The following BRWD3 variants were observed in gnomAD, a reference collection of about 807,000 sequenced individuals.
BRWD3 encodes the protein bromodomain and WD repeat domain containing 3.
BRWD3 carries 10 observed loss-of-function variants against 149.7 expected under a neutral mutation model. That is an observed-to-expected ratio of 0.07 (90% CI 0.04 to 0.11). BRWD3 has a LOEUF of 0.11. Ranked by LOEUF, BRWD3 falls within the 10% of genes least tolerant of loss-of-function variation. The pLI, the probability that BRWD3 is intolerant of heterozygous loss-of-function variation, is 1.00. For synonymous variants in BRWD3, 504 were observed against 456.7 expected, an observed-to-expected ratio of 1.10 and a Z score of -1.32; for missense variants, 940 against 1,373.2, an observed-to-expected ratio of 0.68 and a Z score of 4.99.
chrX:80,807,253 T>C (rs1440409924), intron 4 of BRWD3, among the ~76,000 whole-genome samples: 1 of 111,889 alleles, frequency 8.9e-6, no homozygotes, highest in Non-Finnish European at 1.9e-5. Flanking sequence ...TTACTATTAA[T>C]AATACAGATG....
chrX:80,735,484 C>G (rs1487196397), intron 9 of BRWD3, among the ~76,000 whole-genome samples: 2 of 111,247 alleles, frequency 1.8e-5, no homozygotes, highest in Non-Finnish European at 3.8e-5. Context: ...AAATAAAATC[C>G]TACCAAGATT....
intron 24 of BRWD3, 117 bp downstream of exon 24, chrX:80,703,343 AAATATATAATTGAGCAGAGC>A: frequency 2.3e-6 from 1 of 434,136 alleles, no homozygotes; most frequent in East Asian, 3.9e-5. Flanking sequence ...CTTCCACAAG[AAATATATAATTGAGCAGAGC>A]AGATAAGACA....
chrX:80,751,075 T>C (rs768071366), intron 6 of BRWD3, among the ~76,000 whole-genome samples: 1 of 110,564 alleles, frequency 9.0e-6, no homozygotes, highest in Non-Finnish European at 1.9e-5. Context: ...AGTAGAAAGG[T>C]AGTTACCACA....
chrX:80,677,886 T>C (rs769893810), intron 40 of BRWD3, among the ~76,000 whole-genome samples: 1 of 111,592 alleles, frequency 9.0e-6, no homozygotes, highest in Non-Finnish European at 1.9e-5. Context: ...GTATTTTAGA[T>C]AGGGAAGACT....
At chrX:80,712,097 C>T (rs2072978377) in intron 20 of BRWD3, among the ~76,000 whole-genome samples, 2 of 111,615 alleles carry the variant, frequency 1.8e-5, no homozygotes, top group Non-Finnish European at 3.8e-5. Flanking sequence ...CTCCAACCCC[C>T]CACCTCTGAA....
chrX:80,749,949 T>A (rs2073643806), intron 6 of BRWD3, among the ~76,000 whole-genome samples: 1 of 111,463 alleles, frequency 9.0e-6, no homozygotes, highest in Non-Finnish European at 1.9e-5. Context: ...GCATTTAAAA[T>A]AAAACAATAT....
At chrX:80,716,553 G>C (rs1462432884) in intron 19 of BRWD3, among the ~76,000 whole-genome samples, 2 of 111,993 alleles carry the variant, frequency 1.8e-5, no homozygotes, top group African/African-American at 6.5e-5. Flanking sequence ...GCCTAGTCCA[G>C]ATATTTCATA....
At chrX:80,737,191 T>C (rs747935115) in intron 8 of BRWD3, among the ~76,000 whole-genome samples, 96 of 111,147 alleles carry the variant, frequency 8.6e-4, no homozygotes, top group African/African-American at 2.9e-3. Context: ...CATTGAGACA[T>C]TGCTTCCAGG....
rs1364843948 is a variant in BRWD3 at position 80,673,276 on chromosome X, A to AG, written c.*3332dup. On this transcript the variant is annotated 3_prime_UTR_variant, in exon 41 of 41. Transcript: ENST00000373275. Reference sequence around the variant, plus strand: ...TCCAACACAAGCCTGATTTCTGGGGAGGGAAAAAAAAGAAAAAAAATTAAA... The same window carrying AG: ...TCCAACACAAGCCTGATTTCTGGGGAGGGGAAAAAAAAGAAAAAAAATTAAA... The AG allele has an allele frequency of 9.1e-6, 1 of 110,282 alleles. No homozygotes were observed. The highest frequency in any genetic ancestry group is 2.8e-4 in the East Asian group (1 of 3,544). 9.1% of individuals were successfully genotyped at this position (110,282 alleles called of 1,213,427 possible).
intron 9 of BRWD3, 135 bp from the exon 10 acceptor site, chrX:80,735,332 C>A: frequency 2.0e-6 from 1 of 501,438 alleles, no homozygotes; most frequent in Non-Finnish European, 3.5e-6. Flanking sequence ...TCAATAAGTA[C>A]TATTCTCATC....
At chrX:80,761,452 G>T (rs1419879624) in intron 6 of BRWD3, among the ~76,000 whole-genome samples, 3 of 112,266 alleles carry the variant, frequency 2.7e-5, no homozygotes, top group Non-Finnish European at 3.8e-5. Context: ...GACAGGCAAA[G>T]AAGTCAAAAA....
intron 6 of BRWD3, among the ~76,000 whole-genome samples, chrX:80,769,603 G>A (rs1032825863): frequency 1.1e-4 from 12 of 111,225 alleles, no homozygotes; most frequent in African/African-American, 3.3e-4. Flanking sequence ...GTGTGTAGAG[G>A]GAAACTTACA....
At chrX:80,713,417 G>A (rs951329164) in intron 20 of BRWD3, among the ~76,000 whole-genome samples, 1 of 111,901 alleles carries the variant, frequency 8.9e-6, no homozygotes, top group African/African-American at 3.3e-5. Context: ...TCTGAAACAT[G>A]TGCTGTGTCC....
intron 9 of BRWD3, among the ~76,000 whole-genome samples, chrX:80,735,491 G>A (rs997925449): frequency 1.8e-5 from 2 of 111,358 alleles, no homozygotes; most frequent in African/African-American, 6.5e-5. Flanking sequence ...ATCCTACCAA[G>A]ATTTTCTATA....
intron 20 of BRWD3, among the ~76,000 whole-genome samples, chrX:80,712,910 C>A (rs868640568): frequency 1.1e-5 from 1 of 93,270 alleles, no homozygotes; most frequent in South Asian, 5.5e-4. Context: ...CCCCTCCGCC[C>A]GGCAGCCGCC....
rs747420128 is a variant in BRWD3, at chrX:80,709,474, G to A, written c.2429C>T (p.Ser810Leu). 1 of 1,209,533 alleles carries A rather than the reference G, an allele frequency of 8.3e-7. No individual in the cohort carries two copies. The highest frequency in any genetic ancestry group is 1.8e-5 in the South Asian group (1 of 56,916). ...RSNIEHNSQA[S>L]CQNSGVQEDS... ...TTCCTGTACACCTGAATTTTGACAT[G>A]ATGCCTGTGAATTATGCTCTATGTT... The change falls in exon 21 of 41, where the codon TCA (serine) becomes TTA (leucine). Residue 810 changes from serine (S) to leucine (L), a missense_variant. Coordinates refer to ENST00000373275, the MANE Select transcript of BRWD3 (RefSeq NM_153252.5).
At chrX:80,710,516 C>A in intron 20 of BRWD3, 2 of 396,910 alleles carry the variant, frequency 5.0e-6, no homozygotes, top group South Asian at 5.6e-5. Context: ...ACAATTCCTG[C>A]AGAACAGGAC....
At chrX:80,767,010 TAGCTCAGC>T (rs1228722080) in intron 6 of BRWD3, among the ~76,000 whole-genome samples, 3 of 112,424 alleles carry the variant, frequency 2.7e-5, no homozygotes, top group African/African-American at 9.7e-5. Flanking sequence ...TGCTTACTGG[TAGCTCAGC>T]AGTCTGAGAT....
At chrX:80,720,870 C>G (rs761551244) in intron 17 of BRWD3, among the ~76,000 whole-genome samples, 1 of 111,813 alleles carries the variant, frequency 8.9e-6, no homozygotes, top group Non-Finnish European at 1.9e-5. Flanking sequence ...CTTAGATATA[C>G]AAATATGTAC....
Sources: allele counts gnomAD v4.1 joint callset (sites outside exome capture counted in the v4.1 genomes callset), GRCh38; gene constraint gnomAD v4.1.1; transcripts MANE v1.5; gene names NCBI Gene and HGNC (gene_info 2026-07-23, HGNC 2026-07-21).